Variants in DOP1B observed in about 807,000 individuals in gnomAD.
The protein encoded by DOP1B is DOP1 leucine zipper like protein B.
Under a neutral mutation model 233.5 loss-of-function variants are expected in DOP1B, and 174 were observed. The observed-to-expected ratio is 0.75, with a 90% CI of 0.66 to 0.85. DOP1B has a LOEUF of 0.85. Among genes scored for constraint, DOP1B ranks in the 40% least tolerant of loss-of-function variants. DOP1B has a pLI of 0.00. For missense variants in DOP1B, 2,652 were observed against 2,846.6 expected (o/e 0.93, Z 1.56); for synonymous variants, 1,190 against 1,185.6 (o/e 1.00, Z -0.08).
At chr21:36,263,166 G>A (rs189917704) in intron 24 of DOP1B, among the ~76,000 whole-genome samples, 3 of 141,284 alleles carry the variant, frequency 2.1e-5, no homozygotes, top group East Asian at 4.4e-4. Context: ...CCTGGGAGGC[G>A]AAGGATGCAG....
chr21:36,290,350 C>A (rs1161111400), intron 35 of DOP1B, among the ~76,000 whole-genome samples: 3 of 151,950 alleles, frequency 2.0e-5, no homozygotes, highest in Admixed American at 6.6e-5. Context: ...CATGGCGAAA[C>A]CCTGTCTCAA....
intron 2 of DOP1B, among the ~76,000 whole-genome samples, chr21:36,176,124 T>C (rs933270004): frequency 1.6e-4 from 2 of 12,842 alleles, no homozygotes; most frequent in East Asian, 5.0e-3. Flanking sequence ...GTGTGTGTGG[T>C]GATACAGTTA....
Position 36,225,554 on chromosome 21 carries a change from G to A in DOP1B, c.1371-11G>A. 2 of 1,613,948 alleles carry A rather than the reference G, an allele frequency of 1.2e-6. No homozygotes were observed. The highest frequency in any genetic ancestry group is 1.6e-4 in the Middle Eastern group (1 of 6,062). ...CCAAAGAATGGATTTTTTCTTTGCT[G>A]TGATTTATAGACCAGTGAAGCAGCG... On this transcript the variant is annotated splice_polypyrimidine_tract_variant and intron_variant, in intron 11 of 36. Coordinates refer to ENST00000691173, the MANE Select transcript of DOP1B (RefSeq NM_001320714.2).
intron 4 of DOP1B, among the ~76,000 whole-genome samples, chr21:36,206,608 C>T (rs755006297): frequency 1.3e-5 from 2 of 152,074 alleles, no homozygotes; most frequent in South Asian, 2.1e-4. Flanking sequence ...ACATAGGCAG[C>T]GTTTCCCATA....
At chr21:36,284,265 CTTTTTTTTTTTT>C (rs71326667) in intron 32 of DOP1B, among the ~76,000 whole-genome samples, 3 of 75,872 alleles carry the variant, frequency 4.0e-5, no homozygotes, top group Admixed American at 1.9e-4. Context: ...TTCCTTCTTT[CTTTTTTTTTTTT>C]TTTTTTTTTT....
intron 5 of DOP1B, among the ~76,000 whole-genome samples, chr21:36,209,334 A>G (rs914108017): frequency 6.6e-6 from 1 of 152,066 alleles, no homozygotes; most frequent in Admixed American, 6.5e-5. Flanking sequence ...GTTGGCCAGG[A>G]TGGTCTCGAA....
At chr21:36,186,339 GTGTATGCATGTGTGTATA>G (rs1315001249) in intron 2 of DOP1B, among the ~76,000 whole-genome samples, 1 of 152,174 alleles carries the variant, frequency 6.6e-6, no homozygotes, top group African/African-American at 2.4e-5. Context: ...TGTGGGATGT[GTGTATGCATGTGTGTATA>G]TGTATGCAGT....
At chr21:36,206,912 C>T (rs1462014591) in intron 4 of DOP1B, among the ~76,000 whole-genome samples, 1 of 152,124 alleles carries the variant, frequency 6.6e-6, no homozygotes, top group Non-Finnish European at 1.5e-5. Flanking sequence ...GAAGACGGTA[C>T]CATGCATTAT....
At chr21:36,231,476 T>A (rs2123550022) in intron 14 of DOP1B, among the ~76,000 whole-genome samples, 1 of 152,314 alleles carries the variant, frequency 6.6e-6, no homozygotes, top group East Asian at 1.9e-4. Context: ...GCCTCATTTG[T>A]TCCCTTCCTC....
chr21:36,186,305 T>G (rs1461709033), intron 2 of DOP1B, among the ~76,000 whole-genome samples: 2 of 152,154 alleles, frequency 1.3e-5, no homozygotes, highest in Non-Finnish European at 2.9e-5. Flanking sequence ...GCCCTATTGC[T>G]CATGACTTGT....
At chr21:36,257,994 TGTAG>T (rs138874517) in intron 23 of DOP1B, among the ~76,000 whole-genome samples, 4,517 of 147,798 alleles carry the variant, frequency 0.031, 248 homozygotes, top group East Asian at 0.21. Flanking sequence ...GGTAGGTAGA[TGTAG>T]GTAGGTAGGT....
At chr21:36,238,868 C>T (rs532937293) in intron 17 of DOP1B, among the ~76,000 whole-genome samples, 167 bp downstream of exon 17, 16 of 152,186 alleles carry the variant, frequency 1.1e-4, no homozygotes, top group African/African-American at 2.4e-4. Context: ...TTTGGGAAGC[C>T]GAGGCGGGCA....
At chr21:36,257,715 TA>T in intron 23 of DOP1B, among the ~76,000 whole-genome samples, 1 of 151,216 alleles carries the variant, frequency 6.6e-6, no homozygotes, top group Non-Finnish European at 1.5e-5. Context: ...TGGATGTAGG[TA>T]GGTAGGTAGG....
At chr21:36,190,672 C>T (rs764743961) in intron 2 of DOP1B, among the ~76,000 whole-genome samples, 12 of 152,244 alleles carry the variant, frequency 7.9e-5, no homozygotes, top group Non-Finnish European at 1.8e-4. Flanking sequence ...TGTGGGATTA[C>T]AGGCGTGAGC....
At chr21:36,174,954 T>G (rs1040000037) in intron 2 of DOP1B, among the ~76,000 whole-genome samples, 2 of 152,060 alleles carry the variant, frequency 1.3e-5, no homozygotes, top group Non-Finnish European at 1.5e-5. Context: ...CAACAGATTG[T>G]TTTGTTTCAC....
intron 30 of DOP1B, among the ~76,000 whole-genome samples, chr21:36,280,033 G>A (rs1403269213): frequency 1.3e-5 from 2 of 152,022 alleles, no homozygotes; most frequent in Admixed American, 6.6e-5. Flanking sequence ...GCGCCACCAC[G>A]CCCTGCTAAT....
intron 24 of DOP1B, among the ~76,000 whole-genome samples, chr21:36,262,920 T>TAAATAAATA (rs557888622): frequency 2.8e-5 from 4 of 144,130 alleles, no homozygotes; most frequent in East Asian, 2.0e-4. Flanking sequence ...AATAAATAAA[T>TAAATAAATA]AAATAAAATA....
chr21:36,288,618 T>C, intron 33 of DOP1B, 138 bp from the exon 34 acceptor site: 2 of 678,130 alleles, frequency 2.9e-6, no homozygotes, highest in East Asian at 5.5e-5. Context: ...ACCACTGCAC[T>C]CCAGACTGGG....
rs758581594 is a variant in DOP1B at position 36,247,601 on chromosome 21, T to C, written c.4782T>C (p.Leu1594=). Reference sequence around the variant, plus strand: ...TAACGACCATTAGTCATTTTTGTCTTTTGGAACAAGCCAACCAAAACAAAA... The same window carrying C: ...TAACGACCATTAGTCATTTTTGTCTCTTGGAACAAGCCAACCAAAACAAAA... ...EGLTTISHFC[L]LEQANQNKKT... is the part of the protein sequence containing the mutation. Residue 1594 remains leucine (L), a synonymous_variant, in exon 20 of 37, where the codon CTT becomes CTC. Transcript: ENST00000691173. The C allele has an allele frequency of 5.6e-6, 9 of 1,606,106 alleles. No homozygotes were observed. Among genetic ancestry groups the C allele is most frequent in the Non-Finnish European group, 6.8e-6 (8 of 1,178,258 alleles).
Sources: gnomAD v4.1 joint callset for allele counts (sites outside exome capture counted in the v4.1 genomes callset) on GRCh38, gnomAD v4.1.1 for gene constraint, MANE v1.5 for transcripts, NCBI Gene and HGNC (gene_info 2026-07-23, HGNC 2026-07-21) for gene names.